The following TXNRD1 variants were observed in gnomAD, a reference collection of about 807,000 sequenced individuals.
The protein encoded by TXNRD1 is thioredoxin reductase 1, cytoplasmic.
TXNRD1 carries 57 observed loss-of-function variants against 80.3 expected under a neutral mutation model. That is an observed-to-expected ratio of 0.71 (90% confidence interval 0.57 to 0.89). TXNRD1 has a LOEUF of 0.89. Ranked by LOEUF, TXNRD1 falls within the 40% of genes least tolerant of loss-of-function variation. The pLI, the probability that TXNRD1 is intolerant of heterozygous loss-of-function variation, is 0.00. For synonymous variants in TXNRD1, 291 were observed against 285.2 expected (o/e 1.02, Z -0.20); for missense variants, 730 against 803.0 (o/e 0.91, Z 1.10).
In TXNRD1 at chr12:104,243,681, C is replaced by T. The variant is rs527876819; in HGVS notation, c.92-7846C>T. Among the ~76,000 whole-genome samples, 20 of 152,226 alleles carry T rather than the reference C, an allele frequency of 1.3e-4. 1 individual carries two copies. The East Asian group carries it at 1.3e-3, about 10-fold the overall frequency. ...TCCAGATGCTTTTAACCACAGGCAA[C>T]GAGTAAAAATATGTGCATGACAAAC... On this transcript the variant is annotated intron_variant, in intron 1 of 16. Coordinates refer to ENST00000525566, the MANE Select transcript of TXNRD1 (RefSeq NM_001093771.3).
chr12:104,302,861 T>G lies in TXNRD1; in HGVS notation c.415-8429T>G, dbSNP rs2034695887. On this transcript the variant is annotated intron_variant, in intron 4 of 16. Transcript: ENST00000525566. ...TAAGGAGTCACGTCTTTAACTGCAC[T>G]TGAGTTTCCAGTGACCCCATTAAAT... Among the ~76,000 whole-genome samples the G allele has an allele frequency of 2.0e-5, 3 of 152,222 alleles. No homozygotes were observed. The South Asian group carries it at 6.2e-4, about 31-fold the overall frequency.
intron 16 of TXNRD1, among the ~76,000 whole-genome samples, chr12:104,341,293 T>C (rs2036315375): frequency 6.6e-6 from 1 of 152,178 alleles, no homozygotes; most frequent in African/African-American, 2.4e-5. Context: ...TACTTTGTTT[T>C]CCCCAAGCTG....
rs376247410 is a variant in TXNRD1 at position 104,325,438 on chromosome 12, T to C, written c.1308+9T>C. On this transcript the variant is annotated intron_variant, in intron 11 of 16. Transcript: ENST00000525566. Reference sequence around the variant, plus strand: ...AAGGAGAATATAATACGGTAAGGAATGGGCCCAGGTTAATACTTTATCAGA... The same window carrying C: ...AAGGAGAATATAATACGGTAAGGAACGGGCCCAGGTTAATACTTTATCAGA... 48 of 1,588,272 alleles carry C rather than the reference T, an allele frequency of 3.0e-5. No homozygotes were observed. Among genetic ancestry groups the C allele is most frequent in the Non-Finnish European group, 4.1e-5 (47 of 1,158,562 alleles).
intron 3 of TXNRD1, among the ~76,000 whole-genome samples, chr12:104,282,527 C>A (rs889957039): frequency 6.6e-6 from 1 of 152,178 alleles, no homozygotes; most frequent in Non-Finnish European, 1.5e-5. Context: ...GCACTGTGGG[C>A]TCTGCTCAAG....
chr12:104,302,485 C>CGTTTT (rs1565887593), intron 4 of TXNRD1, among the ~76,000 whole-genome samples: 1 of 31,790 alleles, frequency 3.1e-5, no homozygotes, highest in African/African-American at 1.9e-4. Context: ...GTATTCATTC[C>CGTTTT]CTTTTTTTTT....
intron 2 of TXNRD1, among the ~76,000 whole-genome samples, chr12:104,255,486 G>A (rs998396924): frequency 6.6e-6 from 1 of 151,838 alleles, no homozygotes; most frequent in African/African-American, 2.4e-5. Context: ...TTGTTGGTTA[G>A]TTATTTGCAT....
At chr12:104,310,166 G>A in intron 4 of TXNRD1, 1 of 1,357,554 alleles carries the variant, frequency 7.4e-7, no homozygotes. Context: ...TTTAAAATGA[G>A]ATGGAGTCTC....
intron 15 of TXNRD1, among the ~76,000 whole-genome samples, chr12:104,336,011 CTTTTTA>C (rs893409972): frequency 2.2e-4 from 33 of 152,184 alleles, no homozygotes; most frequent in African/African-American, 7.9e-4. Flanking sequence ...TTGTCTTTTT[CTTTTTA>C]GGCAAATTTT....
intron 4 of TXNRD1, among the ~76,000 whole-genome samples, chr12:104,296,071 T>C (rs2034427075): frequency 6.6e-6 from 1 of 152,182 alleles, no homozygotes; most frequent in Admixed American, 6.5e-5. Flanking sequence ...ATGCCCAGAT[T>C]ACAAGCTAGT....
At chr12:104,226,731 G>A (rs1259720599) in intron 1 of TXNRD1, among the ~76,000 whole-genome samples, 3 of 152,168 alleles carry the variant, frequency 2.0e-5, no homozygotes, top group Non-Finnish European at 4.4e-5. Context: ...GTAAAATTCT[G>A]TAGGTCTGTC....
At chr12:104,274,623 C>T (rs139381864) in intron 3 of TXNRD1, among the ~76,000 whole-genome samples, 9,051 of 151,308 alleles carry the variant, frequency 0.06, 367 homozygotes, top group Non-Finnish European at 0.092. Context: ...TGCTTGAACC[C>T]GGGAGGCAGA....
chr12:104,344,197 A>G (rs1404221614), intron 16 of TXNRD1, among the ~76,000 whole-genome samples: 1 of 152,216 alleles, frequency 6.6e-6, no homozygotes, highest in Non-Finnish European at 1.5e-5. Flanking sequence ...CATTTAATAG[A>G]TGCCGAATAG....
At chr12:104,246,383 G>A (rs931926855) in intron 1 of TXNRD1, among the ~76,000 whole-genome samples, 2 of 151,044 alleles carry the variant, frequency 1.3e-5, no homozygotes, top group African/African-American at 2.4e-5. Flanking sequence ...AGCCAAGATC[G>A]CGCCACTGCA....
intron 11 of TXNRD1, among the ~76,000 whole-genome samples, chr12:104,326,069 A>G (rs1315298168): frequency 2.0e-5 from 3 of 152,186 alleles, no homozygotes; most frequent in African/African-American, 7.2e-5. Flanking sequence ...CTATGATGTC[A>G]TTGTCTTTAA....
At chr12:104,263,254 A>G (rs1326346004) in intron 3 of TXNRD1, among the ~76,000 whole-genome samples, 2 of 152,244 alleles carry the variant, frequency 1.3e-5, no homozygotes, top group Non-Finnish European at 2.9e-5. Flanking sequence ...GAGGAAATAA[A>G]AACATAGTAA....
intron 1 of TXNRD1, among the ~76,000 whole-genome samples, chr12:104,250,091 A>G (rs543083267): frequency 1.8e-4 from 27 of 152,314 alleles, no homozygotes; most frequent in Admixed American, 9.2e-4. Flanking sequence ...GGTTAAAAGC[A>G]TGGGCGCTAC....
intron 3 of TXNRD1, among the ~76,000 whole-genome samples, chr12:104,282,659 G>A (rs996822367): frequency 6.6e-6 from 1 of 152,116 alleles, no homozygotes; most frequent in African/African-American, 2.4e-5. Context: ...ATGGGGTGGT[G>A]GTAACTGCAA....
intron 12 of TXNRD1, 69 bp from the exon 13 acceptor site, chr12:104,327,446 A>C: frequency 1.3e-6 from 2 of 1,492,364 alleles, no homozygotes; most frequent in South Asian, 2.6e-5. Flanking sequence ...CCCTGAAAAA[A>C]CGGAAGATTT....
At chr12:104,269,399 C>CTTTTTTTTTTTTT (rs71069741) in intron 3 of TXNRD1, among the ~76,000 whole-genome samples, 1 of 120,450 alleles carries the variant, frequency 8.3e-6, no homozygotes, top group African/African-American at 3.1e-5. Context: ...GTGTTTCTTT[C>CTTTTTTTTTTTTT]TTTTTTTTTT....
Sources: allele counts gnomAD v4.1 joint callset (sites outside exome capture counted in the v4.1 genomes callset), GRCh38; gene constraint gnomAD v4.1.1; transcripts MANE v1.5; gene names NCBI Gene and HGNC (gene_info 2026-07-23, HGNC 2026-07-21).